GRPEL2: variants seen among roughly 807,000 people sequenced by gnomAD.
GRPEL2 encodes grpE protein homolog 2, mitochondrial.
Under a neutral mutation model 25.9 loss-of-function variants are expected in GRPEL2, and 18 were observed. The ratio of observed to expected loss-of-function variants is 0.70; its 90% CI spans 0.48 to 1.03. The LOEUF (loss-of-function observed/expected upper bound fraction) is 1.03. Among genes scored for constraint, GRPEL2 ranks in the 50% least tolerant of loss-of-function variants. GRPEL2 has a pLI of 0.00. For synonymous variants in GRPEL2, 106 were observed against 107.9 expected (o/e 0.98, Z 0.11); for missense variants, 247 against 276.2 (o/e 0.89, Z 0.75).
chr5:149,348,570 G>A, intron 2 of GRPEL2, 145 bp downstream of exon 2: 1 of 642,332 alleles, frequency 1.6e-6, no homozygotes. Context: ...TCCTTGCTAG[G>A]TATACTGGGC....
At chr5:149,346,468 T>C (rs529896804) in intron 1 of GRPEL2, among the ~76,000 whole-genome samples, 1 of 152,290 alleles carries the variant, frequency 6.6e-6, no homozygotes, top group Admixed American at 6.5e-5. Context: ...TGACCCAACA[T>C]CCTACCCTAG....
At chr5:149,345,691 C>A in intron 1 of GRPEL2, 75 bp downstream of exon 1, 2 of 1,289,168 alleles carry the variant, frequency 1.6e-6, no homozygotes, top group Non-Finnish European at 2.2e-6. Context: ...TGGTTGTGGG[C>A]TGGAAGGCGA....
chr5:149,347,734 A>G (rs1017150030), intron 1 of GRPEL2, among the ~76,000 whole-genome samples: 2 of 152,228 alleles, frequency 1.3e-5, no homozygotes, highest in African/African-American at 4.8e-5. Context: ...TAAAAGCCTT[A>G]CAGGTTGTGG....
chr5:149,347,362 A>C (rs1444800140), intron 1 of GRPEL2, among the ~76,000 whole-genome samples: 1 of 152,214 alleles, frequency 6.6e-6, no homozygotes, highest in Admixed American at 6.5e-5. Context: ...ATGCCAGTCC[A>C]TAAAAATTGT....
rs538351930 is a variant in GRPEL2 at position 149,350,430 on chromosome 5, A to C, written c.314-488A>C. 3.9e-5 allele frequency among the ~76,000 whole-genome samples: 6 copies of C among 152,314 alleles called. No individual in the cohort carries two copies. The South Asian group carries it at 1.2e-3, about 32-fold the overall frequency. On this transcript the variant is annotated intron_variant, in intron 3 of 3. Coordinates refer to ENST00000329271, the MANE Select transcript of GRPEL2 (RefSeq NM_152407.4). ...TCCTATTTAGCCAGTCCTCAAGAATAAACCATTCATGACACCCCTTAGCAT... is the reference window on the plus strand; with the variant it reads ...TCCTATTTAGCCAGTCCTCAAGAATCAACCATTCATGACACCCCTTAGCAT...
chr5:149,348,542 C>T, intron 2 of GRPEL2, 117 bp downstream of exon 2: 1 of 784,320 alleles, frequency 1.3e-6, no homozygotes, highest in Non-Finnish European at 2.0e-6. Context: ...TATCTGCTAC[C>T]CCTCATCCCT....
chr5:149,349,850 A>G (rs768331435), intron 3 of GRPEL2, 115 bp downstream of exon 3: 2 of 750,318 alleles, frequency 2.7e-6, no homozygotes, highest in Admixed American at 4.5e-5. Context: ...AGGATTCAAG[A>G]CCAGTCTGGC....
At position 149,348,359 on chromosome 5, in the gene GRPEL2, C is replaced by T. The variant is rs3733840; in HGVS notation, c.165C>T (p.Pro55=). 175 of 1,613,368 alleles carry T rather than the reference C, an allele frequency of 1.1e-4. No individual in the cohort carries two copies. In the East Asian group the frequency reaches 3.9e-3, roughly 36 times the overall value. ...RSEDPPDELG[P]PLAERALRVK... Reference sequence around the variant, plus strand: ...AGGACCCTCCTGATGAGCTTGGGCCCCCTCTTGCTGAACGAGCCTTAAGGG... The same window carrying T: ...AGGACCCTCCTGATGAGCTTGGGCCTCCTCTTGCTGAACGAGCCTTAAGGG... The change falls in exon 2 of 4, where the codon CCC becomes CCT. Residue 55 remains proline, a synonymous_variant. Transcript: ENST00000329271.
In GRPEL2 at chr5:149,348,402, G is replaced by A. The variant is rs1377411490; in HGVS notation, c.208G>A (p.Glu70Lys). Reference protein sequence around the residue: ...RALRVKAVKLEKEVQDLTVRY... With the variant: ...RALRVKAVKLKKEVQDLTVRY... ...CTTAAGGGTAAAAGCTGTTAAACTG[G>A]AGAAAGAAGTCCAAGATTTAACAGT... The change falls in exon 2 of 4, where the codon GAG (glutamate) becomes AAG (lysine). Residue 70 changes from glutamate (E) to lysine (K), a missense_variant. Glu to Lys is a moderately conservative substitution (Grantham distance 56). This residue lies in a region of GRPEL2 where 125 missense variants were observed against 107.0 expected (regional missense o/e 1.17). Transcript: ENST00000329271. The A allele has an allele frequency of 6.2e-7, 1 of 1,609,406 alleles. No homozygotes were observed. Among genetic ancestry groups the A allele is most frequent in the Non-Finnish European group, 8.5e-7 (1 of 1,178,614 alleles).
At chr5:149,349,775 C>T (rs773623727) in intron 3 of GRPEL2, 40 bp downstream of exon 3, 7 of 1,451,560 alleles carry the variant, frequency 4.8e-6, no homozygotes, top group Non-Finnish European at 3.9e-6. Flanking sequence ...TTTGGTTGGG[C>T]ACAGTGGCTT....
Position 149,348,829 on chromosome 5 carries a change from G to GATAGATAAACTAGAGGA in GRPEL2, c.231+407_231+423dup, listed in dbSNP as rs145931392. On this transcript the variant is annotated intron_variant, in intron 2 of 3. Transcript: ENST00000329271. ...GGGTTGATAGACACACTTAGAGGGAGATAGATAAACTAGAGGAATTCCAAA... is the reference window on the plus strand; with the variant it reads ...GGGTTGATAGACACACTTAGAGGGAGATAGATAAACTAGAGGAATAGATAAACTAGAGGAATTCCAAA... 5.6e-3 allele frequency among the ~76,000 whole-genome samples: 848 copies of GATAGATAAACTAGAGGA among 152,272 alleles called. 11 individuals carry two copies. The highest frequency in any genetic ancestry group is 0.019 in the African/African-American group (803 of 41,550).
chr5:149,350,887 C>T (rs1249545829), intron 3 of GRPEL2, 31 bp from the exon 4 acceptor site: 1 of 1,605,084 alleles, frequency 6.2e-7, no homozygotes, highest in Non-Finnish European at 8.5e-7. Context: ...GATTTCCTCA[C>T]AAACAATAAA....
chr5:149,349,908 G>GTGGCAGGCGCTGTAA (rs1472454380), intron 3 of GRPEL2, 173 bp downstream of exon 3: 4 of 588,396 alleles, frequency 6.8e-6, no homozygotes, highest in Admixed American at 6.4e-5. Flanking sequence ...GCTAGGCATG[G>GTGGCAGGCGCTGTAA]TGGCAGGCGC....
Position 149,345,632 on chromosome 5 carries a change from G to T in GRPEL2, c.77+16G>T, listed in dbSNP as rs759809120. ...GGGAGAGCAAGTAAGCATTGCAGGC[G>T]GGGAGTCGGGAGCGTGAGGACTCTG... On this transcript the variant is annotated intron_variant, in intron 1 of 3. Coordinates refer to ENST00000329271, the MANE Select transcript of GRPEL2 (RefSeq NM_152407.4). 5.0e-6 allele frequency: 8 copies of T among 1,597,148 alleles called. No individual in the cohort carries two copies. Among genetic ancestry groups the T allele is most frequent in the Non-Finnish European group, 2.6e-6 (3 of 1,172,064 alleles).
chr5:149,352,331 T>C lies in GRPEL2; in HGVS notation c.*1049T>C, dbSNP rs1237705565. 6.6e-6 allele frequency: 1 copy of C among 151,844 alleles called. No individual in the cohort carries two copies. Among genetic ancestry groups the C allele is most frequent in the South Asian group, 2.1e-4 (1 of 4,818 alleles). 9.4% of individuals were successfully genotyped at this position (151,844 alleles called of 1,614,324 possible). Reference sequence around the variant, plus strand: ...TCCTCTTGGCAATTTTTTTTTTTTTTCCTGTGTTGCCCAGGCTGACCTCCA... The same window carrying C: ...TCCTCTTGGCAATTTTTTTTTTTTTCCCTGTGTTGCCCAGGCTGACCTCCA... On this transcript the variant is annotated 3_prime_UTR_variant, in exon 4 of 4. Transcript: ENST00000329271.
chr5:149,347,882 A>C (rs914429166), intron 1 of GRPEL2, among the ~76,000 whole-genome samples: 2 of 152,202 alleles, frequency 1.3e-5, no homozygotes, highest in Non-Finnish European at 2.9e-5. Context: ...GGTTCTGGGT[A>C]CTAGCATTTG....
chr5:149,345,674 GC>G lies in GRPEL2; in HGVS notation c.77+60del. ...AGGACTCTGAGGGGCTAGCGAGCCA[GC>G]CGGGGTGGTTGTGGGCTGGAAGGCG... On this transcript the variant is annotated intron_variant, in intron 1 of 3. Coordinates refer to ENST00000329271, the MANE Select transcript of GRPEL2 (RefSeq NM_152407.4). The G allele has an allele frequency of 4.2e-6, 6 of 1,444,414 alleles. No individual in the cohort carries two copies. In the South Asian group the frequency reaches 7.3e-5, roughly 18 times the overall value. 89.5% of individuals were successfully genotyped at this position (1,444,414 alleles called of 1,614,324 possible).
At chr5:149,349,785 TATGCCTGTA>T (rs777957866) in intron 3 of GRPEL2, 50 bp downstream of exon 3, 3 of 1,337,844 alleles carry the variant, frequency 2.2e-6, no homozygotes, top group Non-Finnish European at 3.2e-6. Flanking sequence ...CACAGTGGCT[TATGCCTGTA>T]ATCCCAGCAC....
intron 2 of GRPEL2, 146 bp from the exon 3 acceptor site, chr5:149,349,508 A>C: frequency 1.6e-6 from 1 of 613,250 alleles, no homozygotes; most frequent in Non-Finnish European, 2.8e-6. Flanking sequence ...GGGGATTTGG[A>C]GTAGCTGATC....
Sources: allele counts gnomAD v4.1 joint callset (sites outside exome capture counted in the v4.1 genomes callset), GRCh38; gene constraint gnomAD v4.1.1; regional missense constraint gnomAD v4.1.1; transcripts MANE v1.5; gene names NCBI Gene and HGNC (gene_info 2026-07-23, HGNC 2026-07-21).